ZNF385B: variants seen among roughly 807,000 people sequenced by gnomAD.
ZNF385B encodes the protein zinc finger protein 385B, also known as zinc finger protein 533.
Under a neutral mutation model 39.2 loss-of-function variants are expected in ZNF385B, and 23 were observed. The ratio of observed to expected loss-of-function variants is 0.59; its 90% CI spans 0.42 to 0.83. The LOEUF is 0.83. Ranked by LOEUF, ZNF385B falls within the 40% of genes least tolerant of loss-of-function variation. ZNF385B has a pLI of 0.00. For missense variants in ZNF385B, 552 were observed against 598.9 expected, an observed-to-expected ratio of 0.92 and a Z score of 0.82; for synonymous variants, 205 against 222.6, an observed-to-expected ratio of 0.92 and a Z score of 0.70.
At chr2:179,473,549 G>T (rs1003748800) in intron 6 of ZNF385B, among the ~76,000 whole-genome samples, 12 of 152,178 alleles carry the variant, frequency 7.9e-5, no homozygotes, top group Admixed American at 7.9e-4. Flanking sequence ...TATGCTTTAA[G>T]TTCTGGGATA....
chr2:179,797,991 A>G (rs1705782578), intron 1 of ZNF385B, among the ~76,000 whole-genome samples: 1 of 152,134 alleles, frequency 6.6e-6, no homozygotes, highest in Non-Finnish European at 1.5e-5. Context: ...TAGAGAAAAG[A>G]GGAAAATGCT....
intron 1 of ZNF385B, among the ~76,000 whole-genome samples, chr2:179,817,723 A>G (rs1707153893): frequency 6.6e-6 from 1 of 151,666 alleles, no homozygotes; most frequent in Non-Finnish European, 1.5e-5. Context: ...TTATGTTCAC[A>G]TGACTGGCTG....
chr2:179,828,490 A>C (rs1298026499), intron 1 of ZNF385B, among the ~76,000 whole-genome samples: 1 of 152,168 alleles, frequency 6.6e-6, no homozygotes, highest in African/African-American at 2.4e-5. Context: ...TTGTAGCTTA[A>C]GTAAATTTTT....
intron 3 of ZNF385B, among the ~76,000 whole-genome samples, chr2:179,630,478 T>G (rs1691098475): frequency 6.6e-6 from 1 of 150,744 alleles, no homozygotes; most frequent in African/African-American, 2.4e-5. Flanking sequence ...AGCATTGACA[T>G]AAACAAAAAG....
In ZNF385B at chr2:179,861,116, G is replaced by C. The variant is rs945222362; in HGVS notation, c.-170C>G. On this transcript the variant is annotated 5_prime_UTR_variant, in exon 1 of 10. Transcript: ENST00000410066. ...CAGAGCTTACCTCGGCGCGCGGGCC[G>C]CGGGCGCGTGGGGCAGTGGCTCCTC... The C allele has an allele frequency of 6.5e-6, 1 of 154,758 alleles. No homozygotes were observed. The highest frequency in any genetic ancestry group is 2.4e-5 in the African/African-American group (1 of 41,382). 9.6% of individuals were successfully genotyped at this position (154,758 alleles called of 1,614,324 possible). A position where few individuals can be genotyped will look rare whatever the true frequency, so the allele number is the denominator to read the frequency against.
intron 3 of ZNF385B, among the ~76,000 whole-genome samples, chr2:179,618,044 C>G (rs369152459): frequency 6.6e-6 from 1 of 152,062 alleles, no homozygotes; most frequent in African/African-American, 2.4e-5. Context: ...AAAGAGGGAA[C>G]AAAAGAAACA....
chr2:179,602,612 C>T (rs1357174234), intron 3 of ZNF385B, among the ~76,000 whole-genome samples: 1 of 152,080 alleles, frequency 6.6e-6, no homozygotes, highest in Non-Finnish European at 1.5e-5. Context: ...TTTCTATTAG[C>T]TCATGTAAAT....
chr2:179,794,708 T>C (rs1416670637), intron 1 of ZNF385B, among the ~76,000 whole-genome samples: 1 of 152,118 alleles, frequency 6.6e-6, no homozygotes, highest in Non-Finnish European at 1.5e-5. Flanking sequence ...CAACATCCAC[T>C]TGTCCATAAC....
intron 4 of ZNF385B, among the ~76,000 whole-genome samples, chr2:179,530,354 T>C (rs1054777775): frequency 1.3e-5 from 2 of 152,122 alleles, no homozygotes; most frequent in Admixed American, 1.3e-4. Context: ...AGATGTAGTT[T>C]AAAAAAACAC....
At chr2:179,632,227 C>T (rs2106193328) in intron 3 of ZNF385B, among the ~76,000 whole-genome samples, 1 of 152,318 alleles carries the variant, frequency 6.6e-6, no homozygotes, top group African/African-American at 2.4e-5. Context: ...GAACTCTCCA[C>T]CTCAAATCAA....
In ZNF385B at chr2:179,663,713, C is replaced by CAAAAAAA. The variant is rs71401756; in HGVS notation, c.298+105783_298+105789dup. Among the ~76,000 whole-genome samples, 487 of 67,686 alleles carry CAAAAAAA rather than the reference C, an allele frequency of 7.2e-3. 34 individuals carry two copies. Among genetic ancestry groups the CAAAAAAA allele is most frequent in the African/African-American group, 0.022 (316 of 14,602 alleles). 44.4% of individuals were successfully genotyped at this position (67,686 alleles called of 152,430 possible). A position where few individuals can be genotyped will look rare whatever the true frequency, so the allele number is the denominator to read the frequency against. On this transcript the variant is annotated intron_variant, in intron 3 of 9. Coordinates refer to ENST00000410066, the MANE Select transcript of ZNF385B (RefSeq NM_152520.6). ...TGGGCGACAGAGCGAGACTCCGTCTCAAAAAAAAAAAAAAAAAAAAAAAAA... is the reference window on the plus strand; with the variant it reads ...TGGGCGACAGAGCGAGACTCCGTCTCAAAAAAAAAAAAAAAAAAAAAAAAAAAAAAAA...
intron 4 of ZNF385B, among the ~76,000 whole-genome samples, chr2:179,535,112 CAT>C (rs1395797603): frequency 6.6e-6 from 1 of 152,130 alleles, no homozygotes; most frequent in Non-Finnish European, 1.5e-5. Flanking sequence ...AGGCCCCAGA[CAT>C]GTGTTTTGAG....
At chr2:179,658,594 T>G (rs1055654053) in intron 3 of ZNF385B, among the ~76,000 whole-genome samples, 2 of 152,170 alleles carry the variant, frequency 1.3e-5, no homozygotes, top group Non-Finnish European at 2.9e-5. Context: ...AGTAGAATAG[T>G]GGGCTTGAAA....
At chr2:179,832,730 A>C (rs1708049470) in intron 1 of ZNF385B, among the ~76,000 whole-genome samples, 1 of 152,200 alleles carries the variant, frequency 6.6e-6, no homozygotes, top group African/African-American at 2.4e-5. Flanking sequence ...TAATCATCAC[A>C]TTCCACACTA....
intron 3 of ZNF385B, among the ~76,000 whole-genome samples, chr2:179,585,703 GAC>G (rs1328465831): frequency 6.6e-6 from 1 of 152,180 alleles, no homozygotes; most frequent in Non-Finnish European, 1.5e-5. Flanking sequence ...GGATGTTACA[GAC>G]TTTCCTCCTC....
At chr2:179,602,092 A>C (rs1246603362) in intron 3 of ZNF385B, among the ~76,000 whole-genome samples, 2 of 152,230 alleles carry the variant, frequency 1.3e-5, no homozygotes, top group African/African-American at 4.8e-5. Context: ...ACAAGAAAGA[A>C]AAATATAAAC....
chr2:179,746,630 T>C (rs10930886), intron 3 of ZNF385B, among the ~76,000 whole-genome samples: 62,100 of 152,042 alleles, frequency 0.41, 12,820 homozygotes, highest in East Asian at 0.59. Context: ...TTTAACACTA[T>C]AATCTTTGCT....
chr2:179,493,431 A>G (rs946712189), intron 5 of ZNF385B, among the ~76,000 whole-genome samples: 2 of 151,446 alleles, frequency 1.3e-5, no homozygotes, highest in Non-Finnish European at 3.0e-5. Context: ...GTGTACATAT[A>G]TGTACGTATA....
intron 6 of ZNF385B, among the ~76,000 whole-genome samples, chr2:179,467,585 C>A (rs533661453): frequency 6.6e-6 from 1 of 152,262 alleles, no homozygotes; most frequent in Non-Finnish European, 1.5e-5. Flanking sequence ...CAATCTAAGG[C>A]AGTCAGGCCC....
Sources: gnomAD v4.1 joint callset for allele counts (sites outside exome capture counted in the v4.1 genomes callset) on GRCh38, gnomAD v4.1.1 for gene constraint, MANE v1.5 for transcripts, NCBI Gene and HGNC (gene_info 2026-07-23, HGNC 2026-07-21) for gene names.